Variants in ABLIM2 observed in about 807,000 individuals in gnomAD.
The protein encoded by ABLIM2 is actin binding LIM protein family member 2.
ABLIM2 carries 53 observed loss-of-function variants against 97.7 expected under a neutral mutation model. That is an observed-to-expected ratio of 0.54 (90% CI 0.44 to 0.68). ABLIM2 has a LOEUF of 0.68. ABLIM2 is among the 30% of genes least tolerant of loss of function. The pLI is 0.00. For synonymous variants in ABLIM2, 361 were observed against 345.8 expected (o/e 1.04, Z -0.49); for missense variants, 835 against 867.2 (o/e 0.96, Z 0.47).
At chr4:7,977,790 C>CAATAAATAAATGAATA (rs1734698587) in intron 20 of ABLIM2, among the ~76,000 whole-genome samples, 1 of 142,206 alleles carries the variant, frequency 7.0e-6, no homozygotes, top group Non-Finnish European at 1.5e-5. Context: ...GACTCTGTCT[C>CAATAAATAAATGAATA]AATAAATAAA....
At position 8,069,316 on chromosome 4, in the gene ABLIM2, G is replaced by C. The variant is rs1418615781; in HGVS notation, c.676-8262C>G. 6.6e-6 allele frequency among the ~76,000 whole-genome samples: 1 copy of C among 152,272 alleles called. No individual in the cohort carries two copies. The highest frequency in any genetic ancestry group is 6.5e-5 in the Admixed American group (1 of 15,294). ...CAGCCTGAGCGGCCCTAGAGGACCA[G>C]AGAACTTGACTAAGTTTGGGAAAGG... On this transcript the variant is annotated intron_variant, in intron 6 of 20. Transcript: ENST00000447017. This position sits in a 1 kb window ranked among gnomAD's most constrained non-coding sequence, Gnocchi z 4.2.
chr4:8,025,022 T>C (rs941073188), intron 12 of ABLIM2, among the ~76,000 whole-genome samples: 6 of 152,216 alleles, frequency 3.9e-5, no homozygotes, highest in Non-Finnish European at 8.8e-5. Flanking sequence ...CTCCGCCTCC[T>C]GGATTCAAGC....
chr4:8,149,824 G>T lies in ABLIM2; in HGVS notation c.10+8856C>A, dbSNP rs540569471. Among the ~76,000 whole-genome samples the T allele has an allele frequency of 4.6e-4, 70 of 152,112 alleles. No individual in the cohort carries two copies. The highest frequency in any genetic ancestry group is 3.4e-3 in the Middle Eastern group (1 of 294). On this transcript the variant is annotated intron_variant, in intron 1 of 20. Coordinates refer to ENST00000447017, the MANE Select transcript of ABLIM2 (RefSeq NM_001130083.2). The surrounding 1 kb of genome is among the most constrained non-coding windows in gnomAD (Gnocchi z 6.4). The stretch of plus-strand genomic sequence containing the variant: ...ACCTCACACTCAGGACTGGCCCTGC[G>T]CCCAGACAGGACGGGGCCTATGGAG...
chr4:8,076,994 G>A lies in ABLIM2; in HGVS notation c.675+634C>T, dbSNP rs914607600. 4.7e-5 allele frequency among the ~76,000 whole-genome samples: 7 copies of A among 150,258 alleles called. No homozygotes were observed. The South Asian group carries it at 1.5e-3, about 32-fold the overall frequency. The stretch of plus-strand genomic sequence containing the variant: ...GGTGGGATCTGTGAATCCGGAGGGT[G>A]GGCTGCAGGATGGGGGTTGGGGGTC... On this transcript the variant is annotated intron_variant, in intron 6 of 20. Coordinates refer to ENST00000447017, the MANE Select transcript of ABLIM2 (RefSeq NM_001130083.2).
chr4:7,989,302 C>A (rs1253023042), intron 17 of ABLIM2: 2 of 592,144 alleles, frequency 3.4e-6, no homozygotes, highest in Non-Finnish European at 4.2e-6. Flanking sequence ...TGGTCTCAAA[C>A]TCCTGGCCTC....
At chr4:7,980,527 C>T (rs1254041600) in intron 20 of ABLIM2, among the ~76,000 whole-genome samples, 2 of 151,986 alleles carry the variant, frequency 1.3e-5, no homozygotes, top group African/African-American at 4.8e-5. Context: ...ACAGCCTGGC[C>T]AACGTGGTGA....
At chr4:8,134,126 T>C (rs779241485) in intron 1 of ABLIM2, among the ~76,000 whole-genome samples, 2 of 152,068 alleles carry the variant, frequency 1.3e-5, no homozygotes, top group Admixed American at 6.5e-5. Flanking sequence ...GAAGAGGGGA[T>C]GGAGGTACAG....
In ABLIM2 at chr4:8,158,697, G is replaced by A. The variant is rs1387369744; in HGVS notation, c.-8C>T. On this transcript the variant is annotated 5_prime_UTR_variant, in exon 1 of 21. Transcript: ENST00000447017. ...GCACCCACCTGCACTCATCTCAGCA[G>A]CCGCTCGGAGTCGGGGCGGCCCGGC... is the stretch of plus-strand genomic sequence containing the variant. 2 of 1,462,266 alleles carry A rather than the reference G, an allele frequency of 1.4e-6. No individual in the cohort carries two copies. The highest frequency in any genetic ancestry group is 3.0e-5 in the East Asian group (1 of 33,142). The allele number at this position is 1,462,266 out of a possible 1,614,324, so 90.6% of individuals were successfully genotyped here. A position where few individuals can be genotyped will look rare whatever the true frequency, so the allele number is the denominator to read the frequency against.
At position 8,120,849 on chromosome 4, in the gene ABLIM2, G is replaced by A. The variant is rs555361398; in HGVS notation, c.11-14212C>T. Among the ~76,000 whole-genome samples, 2 of 152,304 alleles carry A rather than the reference G, an allele frequency of 1.3e-5. No individual in the cohort carries two copies. Among genetic ancestry groups the A allele is most frequent in the African/African-American group, 2.4e-5 (1 of 41,564 alleles). On this transcript the variant is annotated intron_variant, in intron 1 of 20. Transcript: ENST00000447017. This position sits in a 1 kb window ranked among gnomAD's most constrained non-coding sequence, Gnocchi z 5.6. Reference sequence around the variant, plus strand: ...AACACCTACGCCAGCCTACAGCTGGGCACACACATCTAACGCAAAGCCTGT... The same window carrying A: ...AACACCTACGCCAGCCTACAGCTGGACACACACATCTAACGCAAAGCCTGT...
intron 1 of ABLIM2, among the ~76,000 whole-genome samples, chr4:8,143,148 G>A (rs908105762): frequency 1.4e-5 from 2 of 145,516 alleles, no homozygotes; most frequent in Middle Eastern, 3.6e-3. Flanking sequence ...TACTGGGAGC[G>A]GGGGCGAGAG....
chr4:8,131,546 C>T (rs919457488), intron 1 of ABLIM2, among the ~76,000 whole-genome samples: 2 of 152,146 alleles, frequency 1.3e-5, no homozygotes, highest in African/African-American at 4.8e-5. Flanking sequence ...CTGACAAGGG[C>T]CTGGGAGGAC....
intron 16 of ABLIM2, among the ~76,000 whole-genome samples, chr4:8,000,487 T>C (rs964245870): frequency 6.6e-6 from 1 of 151,782 alleles, no homozygotes; most frequent in Non-Finnish European, 1.5e-5. Flanking sequence ...ATGGGTGGAC[T>C]AGCGCCCGCA....
chr4:8,142,310 C>T (rs745730075), intron 1 of ABLIM2, among the ~76,000 whole-genome samples: 4 of 152,122 alleles, frequency 2.6e-5, no homozygotes, highest in African/African-American at 9.7e-5. Context: ...CCGCACTGCC[C>T]GAGGGCATGG....
At chr4:7,972,607 C>T (rs1729019268) in intron 20 of ABLIM2, among the ~76,000 whole-genome samples, 1 of 152,242 alleles carries the variant, frequency 6.6e-6, no homozygotes, top group Admixed American at 6.5e-5. Context: ...GCAGTGCTGC[C>T]TCCCAACACC....
At chr4:7,990,749 C>T (rs973716505) in intron 17 of ABLIM2, among the ~76,000 whole-genome samples, 2 of 152,138 alleles carry the variant, frequency 1.3e-5, no homozygotes, top group African/African-American at 4.8e-5. Context: ...AGTCCAGGTG[C>T]TGAGCAGGGC....
intron 7 of ABLIM2, among the ~76,000 whole-genome samples, chr4:8,059,110 T>C (rs1009730004): frequency 1.3e-5 from 2 of 152,012 alleles, no homozygotes; most frequent in Non-Finnish European, 2.9e-5. Context: ...TAATTTTCCT[T>C]AGCAGGGAGT....
At chr4:7,991,181 T>C (rs13145953) in intron 17 of ABLIM2, among the ~76,000 whole-genome samples, 16,038 of 152,260 alleles carry the variant, frequency 0.11, 990 homozygotes, top group Non-Finnish European at 0.15. Flanking sequence ...CAAAAGAGTG[T>C]GGCTTCTGGA....
At chr4:8,109,322 C>T (rs2152775270) in intron 1 of ABLIM2, among the ~76,000 whole-genome samples, 1 of 152,338 alleles carries the variant, frequency 6.6e-6, no homozygotes, top group Non-Finnish European at 1.5e-5. Context: ...TGGCACAGGC[C>T]CAGAAAACAC....
At chr4:8,078,239 G>A (rs1817556357) in intron 5 of ABLIM2, among the ~76,000 whole-genome samples, 1 of 152,230 alleles carries the variant, frequency 6.6e-6, no homozygotes, top group African/African-American at 2.4e-5. Context: ...CCGAATATGA[G>A]GGGTGACAAA....
Sources: gnomAD v4.1 joint callset for allele counts (sites outside exome capture counted in the v4.1 genomes callset) on GRCh38, gnomAD v4.1.1 for gene constraint, Gnocchi (gnomAD v3.1) non-coding constraint, MANE v1.5 for transcripts, NCBI Gene and HGNC (gene_info 2026-07-23, HGNC 2026-07-21) for gene names.